SEC23A: variants seen among roughly 807,000 people sequenced by gnomAD.
SEC23A encodes protein transport protein Sec23A.
In SEC23A, 56 loss-of-function variants were observed where a neutral mutation model predicts 103.7. The observed-to-expected ratio is 0.54, with a 90% CI of 0.44 to 0.67. SEC23A has a LOEUF of 0.67. SEC23A is among the 30% of genes least tolerant of loss of function. SEC23A has a pLI of 0.00. For missense variants in SEC23A, 784 were observed against 936.4 expected (o/e 0.84, Z 2.12); for synonymous variants, 281 against 293.0 (o/e 0.96, Z 0.42).
chr14:39,072,250 G>GA (rs1008009682), intron 9 of SEC23A, among the ~76,000 whole-genome samples: 2 of 151,256 alleles, frequency 1.3e-5, no homozygotes, highest in African/African-American at 4.9e-5. Context: ...AAAAGTGAGG[G>GA]AAAAAACCCA....
At chr14:39,073,161 T>C (rs1041100786) in intron 9 of SEC23A, among the ~76,000 whole-genome samples, 2 of 152,214 alleles carry the variant, frequency 1.3e-5, no homozygotes, top group Admixed American at 6.5e-5. Context: ...AAATGCACTT[T>C]AGCCCCTTGT....
chr14:39,068,608 T>C (rs1365417532), intron 9 of SEC23A, among the ~76,000 whole-genome samples: 1 of 151,952 alleles, frequency 6.6e-6, no homozygotes, highest in Non-Finnish European at 1.5e-5. Flanking sequence ...ATCCACACAA[T>C]GGAGTAATAC....
intron 13 of SEC23A, 82 bp downstream of exon 13, chr14:39,061,683 C>T (rs1886484625): frequency 1.1e-6 from 1 of 898,476 alleles, no homozygotes; most frequent in African/African-American, 1.6e-5. Context: ...TCATGGATGT[C>T]ACCCAAAATA....
chr14:39,059,310 A>AAAAAAAC (rs10693539), intron 13 of SEC23A, among the ~76,000 whole-genome samples: 8 of 105,724 alleles, frequency 7.6e-5, no homozygotes, highest in Non-Finnish European at 1.4e-4. Flanking sequence ...AAAAAAAAAA[A>AAAAAAAC]CAACAAGGTG....
chr14:39,092,860 T>C (rs1594484156), intron 3 of SEC23A: 1 of 504,810 alleles, frequency 2.0e-6, no homozygotes, highest in African/African-American at 2.3e-5. Flanking sequence ...TGTTTGTTTG[T>C]TTGTTTTGTT....
At chr14:39,102,004 G>A (rs1214023461) in intron 1 of SEC23A, among the ~76,000 whole-genome samples, 2 of 152,134 alleles carry the variant, frequency 1.3e-5, no homozygotes, top group African/African-American at 4.8e-5. Flanking sequence ...GGCCGAGGCG[G>A]GCGGATCACC....
chr14:39,049,861 C>A (rs1885993206), intron 14 of SEC23A, among the ~76,000 whole-genome samples: 1 of 151,234 alleles, frequency 6.6e-6, no homozygotes, highest in Non-Finnish European at 1.5e-5. Context: ...GGCGCGATCT[C>A]GGTTCACTGC....
At chr14:39,039,329 T>C in intron 18 of SEC23A, 3 of 486,340 alleles carry the variant, frequency 6.2e-6, no homozygotes, top group Non-Finnish European at 1.1e-5. Context: ...ACAAATACAT[T>C]GTTGAGTCCA....
At chr14:39,060,452 G>C (rs1364766805) in intron 13 of SEC23A, among the ~76,000 whole-genome samples, 2 of 152,090 alleles carry the variant, frequency 1.3e-5, no homozygotes, top group African/African-American at 4.8e-5. Context: ...ATGAAAATGA[G>C]AGCTACAAAT....
At position 39,095,897 on chromosome 14, in the gene SEC23A, C is replaced by T. The variant is rs1193950224; in HGVS notation, c.221+1G>A. On this transcript the variant is annotated splice_donor_variant, in intron 2 of 19. Transcript: ENST00000307712. LOFTEE classifies it high-confidence loss of function. ...TTAGTTTTTCTATATATTTTACTTACCATAAAGGATTCAAAACTGCACGGC... is the reference window on the plus strand; with the variant it reads ...TTAGTTTTTCTATATATTTTACTTATCATAAAGGATTCAAAACTGCACGGC... 2.5e-6 allele frequency: 4 copies of T among 1,598,324 alleles called. No individual in the cohort carries two copies. The East Asian group carries it at 6.7e-5, about 27-fold the overall frequency.
In SEC23A at chr14:39,068,840, CT is replaced by C. The variant is rs762344172; in HGVS notation, c.1104-1545del. Among the ~76,000 whole-genome samples, 31 of 152,150 alleles carry C rather than the reference CT, an allele frequency of 2.0e-4. No homozygotes were observed. In the East Asian group the frequency reaches 3.9e-3, roughly 19 times the overall value. On this transcript the variant is annotated intron_variant, in intron 9 of 19. Transcript: ENST00000307712. ...TTATAACTAATTGACCATAATTTTA[CT>C]TTTGATATTATTAGAAGTTTTTGTT...
intron 17 of SEC23A, 68 bp from the exon 18 acceptor site, chr14:39,040,955 C>A: frequency 6.6e-7 from 1 of 1,518,228 alleles, no homozygotes; most frequent in Non-Finnish European, 8.8e-7. Context: ...GAGATTTTTC[C>A]AAAGAAAATA....
At chr14:39,083,220 G>A (rs1434230625) in intron 7 of SEC23A, among the ~76,000 whole-genome samples, 1 of 152,158 alleles carries the variant, frequency 6.6e-6, no homozygotes, top group African/African-American at 2.4e-5. Context: ...GCTGGAAACT[G>A]CTTCGGGCAA....
chr14:39,050,536 G>A (rs1230357046), intron 14 of SEC23A, among the ~76,000 whole-genome samples: 1 of 152,208 alleles, frequency 6.6e-6, no homozygotes, highest in Admixed American at 6.5e-5. Context: ...ATTAGATGAA[G>A]TGTTTACCCA....
chr14:39,070,084 CA>C (rs1459059016), intron 9 of SEC23A, among the ~76,000 whole-genome samples: 1 of 152,206 alleles, frequency 6.6e-6, no homozygotes, highest in Non-Finnish European at 1.5e-5. Context: ...ATACTTGCCA[CA>C]TTTCAATGGG....
chr14:39,042,522 T>C (rs553478682), intron 17 of SEC23A, among the ~76,000 whole-genome samples: 2 of 152,388 alleles, frequency 1.3e-5, no homozygotes, highest in East Asian at 1.9e-4. Context: ...CATTTGTCTA[T>C]GTACAGTCAG....
rs189718686 is a variant in SEC23A at position 39,043,722 on chromosome 14, T to G, written c.1900-850A>C. Among the ~76,000 whole-genome samples the G allele has an allele frequency of 2.0e-5, 3 of 151,736 alleles. No individual in the cohort carries two copies. In the East Asian group the frequency reaches 5.8e-4, roughly 29 times the overall value. ...AGACTGAGAAAGAACGGTGAGTGAGTAAGAGGAAAACCAGGAAGGTATAGG... is the reference window on the plus strand; with the variant it reads ...AGACTGAGAAAGAACGGTGAGTGAGGAAGAGGAAAACCAGGAAGGTATAGG... On this transcript the variant is annotated intron_variant, in intron 16 of 19. Coordinates refer to ENST00000307712, the MANE Select transcript of SEC23A (RefSeq NM_006364.4).
chr14:39,042,437 G>A (rs533625168), intron 17 of SEC23A, among the ~76,000 whole-genome samples: 5 of 152,216 alleles, frequency 3.3e-5, no homozygotes, highest in South Asian at 2.1e-4. Flanking sequence ...ATTGCATAAC[G>A]TAAAAGGAAA....
chr14:39,047,499 A>C, intron 15 of SEC23A: 2 of 783,876 alleles, frequency 2.6e-6, no homozygotes, highest in Non-Finnish European at 3.5e-6. Flanking sequence ...TCAAAACAAA[A>C]ACAACAACAA....
Sources: allele counts gnomAD v4.1 joint callset (sites outside exome capture counted in the v4.1 genomes callset), GRCh38; gene constraint gnomAD v4.1.1; transcripts MANE v1.5; gene names NCBI Gene and HGNC (gene_info 2026-07-23, HGNC 2026-07-21).